LILRA2: variants seen among roughly 807,000 people sequenced by gnomAD.
LILRA2 encodes leukocyte immunoglobulin-like receptor subfamily A member 2.
A neutral mutation model predicts 47.9 loss-of-function variants in LILRA2; 45 were observed. The observed-to-expected ratio is 0.94, with a 90% CI of 0.74 to 1.20. The LOEUF is 1.20. LILRA2 is among the 50% of genes most tolerant of loss of function. The probability of loss-of-function intolerance (pLI) is 0.00; values close to 1 mark genes in which losing one functional copy is unlikely to be tolerated. For missense variants in LILRA2, 651 were observed against 598.2 expected, an observed-to-expected ratio of 1.09 and a Z score of -0.92; for synonymous variants, 279 against 249.2, an observed-to-expected ratio of 1.12 and a Z score of -1.13.
intron 6 of LILRA2, among the ~76,000 whole-genome samples, chr19:54,582,510 G>T (rs1421344373): frequency 6.6e-6 from 1 of 152,126 alleles, no homozygotes; most frequent in Non-Finnish European, 1.5e-5. Context: ...TTGGGAGGGT[G>T]TATGTGTCCA....
chr19:54,575,877 C>A lies in LILRA2; in HGVS notation c.1023C>A (p.Thr341=), dbSNP rs1165941135. 1.9e-6 allele frequency: 3 copies of A among 1,613,830 alleles called. No homozygotes were observed. The highest frequency in any genetic ancestry group is 2.5e-6 in the Non-Finnish European group (3 of 1,179,866). The part of the protein sequence containing the change: ...VPTVAPGKNV[T]LLCQSRGQFH... ...CAGTAGCCCCAGGAAAGAACGTGAC[C>A]CTGCTGTGTCAGTCACGGGGGCAGT... The change falls in exon 6 of 8, where the codon ACC becomes ACA. Residue 341 remains threonine (T), a synonymous_variant. Transcript: ENST00000391738.
chr19:54,573,189 G>C (rs901199906), upstream of LILRA2: 5 of 379,976 alleles, frequency 1.3e-5, no homozygotes, highest in Admixed American at 1.4e-4. Flanking sequence ...CTTGCTATGT[G>C]GCCCAGGGTA....
chr19:54,575,186 C>T lies in LILRA2; in HGVS notation c.656-70C>T, dbSNP rs879841837. The T allele has an allele frequency of 9.1e-5, 142 of 1,553,932 alleles. 1 individual carries two copies. In the South Asian group the frequency reaches 1.1e-3, roughly 12 times the overall value. On this transcript the variant is annotated intron_variant, in intron 4 of 7. Coordinates refer to ENST00000391738, the MANE Select transcript of LILRA2 (RefSeq NM_001130917.3). ...GGGGCCGGAGACACAGGAAGATCAGCGGGGGAGAGGGAGGGTTTGTGGGGA... is the reference window on the plus strand; with the variant it reads ...GGGGCCGGAGACACAGGAAGATCAGTGGGGGAGAGGGAGGGTTTGTGGGGA...
rs1274275258 is a variant in LILRA2, at chr19:54,580,204, T to TA, written c.1255+4095_1255+4096insA. Among the ~76,000 whole-genome samples the TA allele has an allele frequency of 1.8e-3, 266 of 144,118 alleles. 7 individuals carry two copies. The South Asian group carries it at 0.035, about 19-fold the overall frequency. The allele number at this position is 144,118 out of a possible 152,430, so 94.5% of individuals were successfully genotyped here. On this transcript the variant is annotated intron_variant, in intron 6 of 7. Transcript: ENST00000391738. The stretch of plus-strand genomic sequence containing the variant: ...TTGTGCCGGTTTTCTTTTCTTTTTT[T>TA]TTTTTTTTTATTATACTCTAAGTTT...
intron 6 of LILRA2, among the ~76,000 whole-genome samples, chr19:54,581,556 A>G (rs1182569422): frequency 6.8e-6 from 1 of 148,078 alleles, no homozygotes; most frequent in African/African-American, 2.6e-5. Context: ...TGTTCCATTG[A>G]TCTATATCTC....
At position 54,588,514 on chromosome 19, in the gene LILRA2, G is replaced by A. The variant is rs2062870592; in HGVS notation, c.*1168G>A. 6.6e-6 allele frequency: 1 copy of A among 151,316 alleles called. No individual in the cohort carries two copies. Among genetic ancestry groups the A allele is most frequent in the African/African-American group, 2.4e-5 (1 of 41,202 alleles). The allele number at this position is 151,316 out of a possible 1,614,324, so 9.4% of individuals were successfully genotyped here. ...CCAGCTACTCAGGAGGCTGAGGCAG[G>A]AGAATGGCGTGAACCTGGGAGGCGG... On this transcript the variant is annotated 3_prime_UTR_variant, in exon 8 of 8. Coordinates refer to ENST00000391738, the MANE Select transcript of LILRA2 (RefSeq NM_001130917.3).
At chr19:54,583,803 A>T (rs1299229661) in intron 6 of LILRA2, among the ~76,000 whole-genome samples, 3 of 152,098 alleles carry the variant, frequency 2.0e-5, no homozygotes, top group African/African-American at 7.2e-5. Flanking sequence ...TTTGAGTTTG[A>T]TCATGTCATT....
intron 6 of LILRA2, 95 bp from the exon 7 acceptor site, chr19:54,586,915 T>C: frequency 1.1e-6 from 1 of 888,264 alleles, no homozygotes. Flanking sequence ...AGGAACTCCA[T>C]AAAACTCATG....
Position 54,589,761 on chromosome 19 carries a change from C to A in LILRA2, c.*2415C>A, listed in dbSNP as rs1473544212. ...CATGTCCCTGTGGTTCTCTGGTGAGCCCCATCATGCTGTCCTAGAAGATCC... is the reference window on the plus strand; with the variant it reads ...CATGTCCCTGTGGTTCTCTGGTGAGACCCATCATGCTGTCCTAGAAGATCC... On this transcript the variant is annotated 3_prime_UTR_variant, in exon 8 of 8. Coordinates refer to ENST00000391738, the MANE Select transcript of LILRA2 (RefSeq NM_001130917.3). The A allele has an allele frequency of 1.3e-5, 2 of 151,890 alleles. No individual in the cohort carries two copies. The highest frequency in any genetic ancestry group is 2.9e-5 in the Non-Finnish European group (2 of 67,978). The allele number at this position is 151,890 out of a possible 1,614,324, so 9.4% of individuals were successfully genotyped here.
intron 7 of LILRA2, 31 bp downstream of exon 7, chr19:54,587,091 C>A: frequency 6.2e-7 from 1 of 1,612,652 alleles, no homozygotes; most frequent in East Asian, 2.2e-5. Flanking sequence ...AGTTATGGGA[C>A]TGGCACAGAG....
chr19:54,575,120 C>T, intron 4 of LILRA2, 87 bp downstream of exon 4: 1 of 1,565,082 alleles, frequency 6.4e-7, no homozygotes, highest in Non-Finnish European at 8.7e-7. Flanking sequence ...CAGGGCAGCT[C>T]CAGGTGGGAT....
At chr19:54,582,598 A>G (rs1372995062) in intron 6 of LILRA2, among the ~76,000 whole-genome samples, 1 of 152,108 alleles carries the variant, frequency 6.6e-6, no homozygotes, top group African/African-American at 2.4e-5. Flanking sequence ...GGTAGTTTGT[A>G]TTTCTGTGGA....
At chr19:54,586,978 T>A in intron 6 of LILRA2, 32 bp from the exon 7 acceptor site, 3 of 1,575,298 alleles carry the variant, frequency 1.9e-6, no homozygotes, top group Non-Finnish European at 2.6e-6. Context: ...GAGGCTGGGC[T>A]CAGGGCTCTT....
intron 1 of LILRA2, 31 bp from the exon 2 acceptor site, chr19:54,574,045 G>A: frequency 6.7e-7 from 1 of 1,490,700 alleles, no homozygotes; most frequent in Non-Finnish European, 9.0e-7. Flanking sequence ...GGCTTCAGGG[G>A]AAAAATCCCT....
chr19:54,580,034 A>G (rs1433878152), intron 6 of LILRA2, among the ~76,000 whole-genome samples: 1 of 152,174 alleles, frequency 6.6e-6, no homozygotes, highest in Non-Finnish European at 1.5e-5. Flanking sequence ...TTTTAAATAT[A>G]TAATCATGTC....
intron 6 of LILRA2, among the ~76,000 whole-genome samples, chr19:54,580,393 T>C (rs1237118254): frequency 2.5e-5 from 2 of 80,892 alleles, no homozygotes; most frequent in African/African-American, 1.0e-4. Flanking sequence ...GATATTCCCC[T>C]TCCTGTGTCC....
intron 6 of LILRA2, among the ~76,000 whole-genome samples, chr19:54,584,069 T>C (rs1321960270): frequency 6.6e-6 from 1 of 152,210 alleles, no homozygotes; most frequent in African/African-American, 2.4e-5. Context: ...GGGTTGAAAA[T>C]TATTTTCTTT....
At chr19:54,575,735 A>G (rs1006224870) in intron 5 of LILRA2, 72 bp from the exon 6 acceptor site, 4 of 1,601,672 alleles carry the variant, frequency 2.5e-6, no homozygotes, top group Non-Finnish European at 3.4e-6. Flanking sequence ...TAAGGGTCCC[A>G]GGGAGAGGCC....
Position 54,588,159 on chromosome 19 carries a change from C to T in LILRA2, c.*813C>T, listed in dbSNP as rs907797031. The T allele has an allele frequency of 6.6e-6, 1 of 152,198 alleles. No homozygotes were observed. The allele number at this position is 152,198 out of a possible 1,614,324, so 9.4% of individuals were successfully genotyped here. On this transcript the variant is annotated 3_prime_UTR_variant, in exon 8 of 8. Coordinates refer to ENST00000391738, the MANE Select transcript of LILRA2 (RefSeq NM_001130917.3). ...ATCCCACTGAGAGCTCACCCATATACCTACAGTCCTTTCTATTTCAGAGGC... is the reference window on the plus strand; with the variant it reads ...ATCCCACTGAGAGCTCACCCATATATCTACAGTCCTTTCTATTTCAGAGGC...
Sources: gnomAD v4.1 joint callset for allele counts (sites outside exome capture counted in the v4.1 genomes callset) on GRCh38, gnomAD v4.1.1 for gene constraint, MANE v1.5 for transcripts, NCBI Gene and HGNC (gene_info 2026-07-23, HGNC 2026-07-21) for gene names.